The following ARNT2 variants were observed in gnomAD, a reference collection of about 807,000 sequenced individuals.
The protein encoded by ARNT2 is aryl hydrocarbon receptor nuclear translocator 2.
Under a neutral mutation model 91.7 loss-of-function variants are expected in ARNT2, and 36 were observed. That is an observed-to-expected ratio of 0.39 (90% CI 0.30 to 0.52). The LOEUF (loss-of-function observed/expected upper bound fraction) is 0.52. ARNT2 is among the 20% of genes least tolerant of loss of function. The pLI is 0.72. For synonymous variants in ARNT2, 365 were observed against 347.1 expected, an observed-to-expected ratio of 1.05 and a Z score of -0.57; for missense variants, 775 against 939.3, an observed-to-expected ratio of 0.83 and a Z score of 2.29.
chr15:80,489,738 C>T (rs76516180), intron 5 of ARNT2, among the ~76,000 whole-genome samples: 3,061 of 152,322 alleles, frequency 0.02, 89 homozygotes, highest in African/African-American at 0.069. Flanking sequence ...CCCAGTAACC[C>T]TTGCCATCGT....
Position 80,581,325 on chromosome 15 carries a change from C to T in ARNT2, c.1839C>T (p.Tyr613=), listed in dbSNP as rs1395000928. 1 of 1,614,090 alleles carries T rather than the reference C, an allele frequency of 6.2e-7. No homozygotes were observed. Among genetic ancestry groups the T allele is most frequent in the Non-Finnish European group, 8.5e-7 (1 of 1,180,034 alleles). ...SHTYPADPSS[Y]SPLSSPATSS... is the part of the protein sequence containing the mutation. The stretch of plus-strand genomic sequence containing the variant: ...CCTACCCGGCAGACCCCTCTTCCTA[C>T]AGCCCCCTCTCCAGCCCAGCTACCT... Residue 613 remains tyrosine, a synonymous_variant, in exon 17 of 19, where the codon TAC becomes TAT. Coordinates refer to ENST00000303329, the MANE Select transcript of ARNT2 (RefSeq NM_014862.4).
chr15:80,413,702 G>T (rs1895723499), intron 1 of ARNT2, among the ~76,000 whole-genome samples: 1 of 152,224 alleles, frequency 6.6e-6, no homozygotes, highest in Admixed American at 6.5e-5. Flanking sequence ...GGGGTGCAAT[G>T]TCCAGGGTGG....
At chr15:80,411,638 A>G (rs1315678921) in intron 1 of ARNT2, among the ~76,000 whole-genome samples, 1 of 152,228 alleles carries the variant, frequency 6.6e-6, no homozygotes, top group Non-Finnish European at 1.5e-5. Context: ...TCTTCCCAGA[A>G]GAAGATTAGG....
rs973738835 is a variant in ARNT2 at position 80,404,995 on chromosome 15, C to G, written c.31+449C>G. Among the ~76,000 whole-genome samples, 1 of 152,112 alleles carries G rather than the reference C, an allele frequency of 6.6e-6. No homozygotes were observed. Among genetic ancestry groups the G allele is most frequent in the African/African-American group, 2.4e-5 (1 of 41,428 alleles). ...CTGGGATTCAACAGGGTACAACTCC[C>G]GGGACTCTCCCCTGCCCGCCCCGCC... On this transcript the variant is annotated intron_variant, in intron 1 of 18. Coordinates refer to ENST00000303329, the MANE Select transcript of ARNT2 (RefSeq NM_014862.4). The surrounding 1 kb of genome is among the most constrained non-coding windows in gnomAD (Gnocchi z 5.5).
intron 1 of ARNT2, among the ~76,000 whole-genome samples, chr15:80,413,138 C>T (rs899002656): frequency 2.0e-5 from 3 of 152,164 alleles, no homozygotes; most frequent in Non-Finnish European, 4.4e-5. Flanking sequence ...CAGGAAGTTG[C>T]CTTACTCAAC....
At chr15:80,460,790 T>A (rs1896541084) in intron 3 of ARNT2, among the ~76,000 whole-genome samples, 1 of 152,200 alleles carries the variant, frequency 6.6e-6, no homozygotes, top group Admixed American at 6.5e-5. Context: ...GGAGGGGTAC[T>A]TTTTAAGGAT....
intron 8 of ARNT2, among the ~76,000 whole-genome samples, chr15:80,531,424 A>G (rs1467687003): frequency 6.6e-6 from 1 of 152,262 alleles, no homozygotes; most frequent in East Asian, 1.9e-4. Flanking sequence ...GTGGGGCACA[A>G]TGAGCTTGTG....
At chr15:80,467,127 G>A (rs192391155) in intron 3 of ARNT2, among the ~76,000 whole-genome samples, 33 of 151,952 alleles carry the variant, frequency 2.2e-4, no homozygotes, top group Admixed American at 8.5e-4. Flanking sequence ...AGGGGTTTAA[G>A]CGAAGGCTCT....
intron 1 of ARNT2, among the ~76,000 whole-genome samples, chr15:80,443,294 C>T (rs1285532626): frequency 6.6e-6 from 1 of 152,170 alleles, no homozygotes; most frequent in Non-Finnish European, 1.5e-5. Flanking sequence ...TAGGCAGTGG[C>T]CTGATCACAC....
At chr15:80,586,406 T>C (rs1361367925) in intron 17 of ARNT2, among the ~76,000 whole-genome samples, 1 of 152,162 alleles carries the variant, frequency 6.6e-6, no homozygotes, top group Non-Finnish European at 1.5e-5. Flanking sequence ...ATCAGGTCGA[T>C]ACAGATTAAA....
At chr15:80,570,052 T>C (rs1013062260) in intron 12 of ARNT2, among the ~76,000 whole-genome samples, 17 of 152,208 alleles carry the variant, frequency 1.1e-4, no homozygotes, top group African/African-American at 3.9e-4. Flanking sequence ...ATGGGAGACA[T>C]GGAATAATTG....
In ARNT2 at chr15:80,522,762, T is replaced by C. The variant is rs901909294; in HGVS notation, c.877+8357T>C. On this transcript the variant is annotated intron_variant, in intron 8 of 18. Transcript: ENST00000303329. ...ATGACTGTGTGACTGTACATACACA[T>C]ATATATATATATATATATCTGTTTG... Among the ~76,000 whole-genome samples the C allele has an allele frequency of 7.0e-3, 754 of 107,138 alleles. 3 individuals carry two copies. Among genetic ancestry groups the C allele is most frequent in the African/African-American group, 0.028 (597 of 21,606 alleles). 70.3% of individuals were successfully genotyped at this position (107,138 alleles called of 152,430 possible).
At chr15:80,458,664 G>A (rs1472499690) in intron 3 of ARNT2, among the ~76,000 whole-genome samples, 2 of 150,878 alleles carry the variant, frequency 1.3e-5, no homozygotes, top group Admixed American at 6.6e-5. Flanking sequence ...CCATGACTGT[G>A]TCTTTTTTTT....
At chr15:80,529,855 A>T (rs924851557) in intron 8 of ARNT2, among the ~76,000 whole-genome samples, 2 of 152,148 alleles carry the variant, frequency 1.3e-5, no homozygotes, top group Admixed American at 6.5e-5. Flanking sequence ...TCTTCTATTC[A>T]TGGTTACTGT....
intron 3 of ARNT2, among the ~76,000 whole-genome samples, chr15:80,459,965 C>T (rs1896530133): frequency 6.6e-6 from 1 of 152,344 alleles, no homozygotes; most frequent in African/African-American, 2.4e-5. Flanking sequence ...ACCCTCATCC[C>T]TCCACTTTGC....
Position 80,597,671 on chromosome 15 carries a change from C to T in ARNT2, c.*3973C>T, listed in dbSNP as rs570980222. 12 of 155,502 alleles carry T rather than the reference C, an allele frequency of 7.7e-5. No individual in the cohort carries two copies. Among genetic ancestry groups the T allele is most frequent in the South Asian group, 2.0e-4 (1 of 5,044 alleles). 9.6% of individuals were successfully genotyped at this position (155,502 alleles called of 1,614,324 possible). A position where few individuals can be genotyped will look rare whatever the true frequency, so the allele number is the denominator to read the frequency against. On this transcript the variant is annotated 3_prime_UTR_variant, in exon 19 of 19. Transcript: ENST00000303329. ...TTTCACAGGCTGTGCGGGAGCAGGACGGCTTGCTTCATCTAACAATCTCAG... is the reference window on the plus strand; with the variant it reads ...TTTCACAGGCTGTGCGGGAGCAGGATGGCTTGCTTCATCTAACAATCTCAG...
At chr15:80,543,094 C>CAAA (rs368917679) in intron 8 of ARNT2, among the ~76,000 whole-genome samples, 8 of 86,682 alleles carry the variant, frequency 9.2e-5, no homozygotes, top group Admixed American at 1.6e-4. Context: ...CAGACCCGGT[C>CAAA]AAAAAAAAAA....
At chr15:80,508,816 A>G (rs1278071210) in intron 6 of ARNT2, among the ~76,000 whole-genome samples, 1 of 152,238 alleles carries the variant, frequency 6.6e-6, no homozygotes, top group African/African-American at 2.4e-5. Flanking sequence ...TTTGTACATC[A>G]TAATTGAAGA....
Position 80,591,445 on chromosome 15 carries a change from C to T in ARNT2, c.1919-123C>T, listed in dbSNP as rs540910893. 1.7e-5 allele frequency: 22 copies of T among 1,261,406 alleles called. No individual in the cohort carries two copies. The highest frequency in any genetic ancestry group is 1.1e-4 in the Admixed American group (6 of 52,846). 78.1% of individuals were successfully genotyped at this position (1,261,406 alleles called of 1,614,324 possible). On this transcript the variant is annotated intron_variant, in intron 17 of 18. Coordinates refer to ENST00000303329, the MANE Select transcript of ARNT2 (RefSeq NM_014862.4). This position sits in a 1 kb window ranked among gnomAD's most constrained non-coding sequence, Gnocchi z 5.1. ...AAAGACGAGGATAGCAAACACATTCCGCCAGCTCTGGATGGAACGTGCCTT... is the reference window on the plus strand; with the variant it reads ...AAAGACGAGGATAGCAAACACATTCTGCCAGCTCTGGATGGAACGTGCCTT...
Sources: allele counts gnomAD v4.1 joint callset (sites outside exome capture counted in the v4.1 genomes callset), GRCh38; gene constraint gnomAD v4.1.1; non-coding constraint Gnocchi (gnomAD v3.1); transcripts MANE v1.5; gene names NCBI Gene and HGNC (gene_info 2026-07-23, HGNC 2026-07-21).